LDLRAD4: variants seen among roughly 807,000 people sequenced by gnomAD.
LDLRAD4 encodes low-density lipoprotein receptor class A domain-containing protein 4.
A neutral mutation model predicts 17.0 loss-of-function variants in LDLRAD4; 5 were observed. The observed-to-expected ratio is 0.29, with a 90% CI of 0.15 to 0.62. LDLRAD4 has a LOEUF of 0.62. Ranked by LOEUF, LDLRAD4 falls within the 20% of genes least tolerant of loss-of-function variation. LDLRAD4 has a pLI of 0.84. For synonymous variants in LDLRAD4, 168 were observed against 171.8 expected (o/e 0.98, Z 0.17); for missense variants, 340 against 424.7 (o/e 0.80, Z 1.75).
intron 3 of LDLRAD4, among the ~76,000 whole-genome samples, chr18:13,467,672 A>G (rs2092660210): frequency 6.6e-6 from 1 of 152,192 alleles, no homozygotes; most frequent in South Asian, 2.1e-4. Context: ...TTCAAGGCAC[A>G]CCTTACAGCC....
intron 1 of LDLRAD4, among the ~76,000 whole-genome samples, chr18:13,360,752 A>AGGTGT (rs2083615668): frequency 6.6e-6 from 1 of 152,232 alleles, no homozygotes; most frequent in Non-Finnish European, 1.5e-5. Context: ...CTCTTAAACA[A>AGGTGT]GGCTTCTCCC....
chr18:13,236,910 T>C (rs1036967563), intron 1 of LDLRAD4, among the ~76,000 whole-genome samples: 1 of 152,216 alleles, frequency 6.6e-6, no homozygotes, highest in African/African-American at 2.4e-5. Flanking sequence ...CCAGCGTGGT[T>C]CCATCTCAGT....
intron 1 of LDLRAD4, among the ~76,000 whole-genome samples, chr18:13,356,398 T>G (rs376324431): frequency 6.6e-6 from 1 of 152,358 alleles, no homozygotes; most frequent in East Asian, 1.9e-4. Context: ...TGTAGCTTAT[T>G]TGAGAAAAAC....
At chr18:13,569,430 A>C (rs989264464) in intron 3 of LDLRAD4, among the ~76,000 whole-genome samples, 1 of 152,240 alleles carries the variant, frequency 6.6e-6, no homozygotes, top group Non-Finnish European at 1.5e-5. Context: ...ACTGATTCAT[A>C]AGTCGGATGT....
At chr18:13,291,768 C>G (rs529575957) in intron 1 of LDLRAD4, among the ~76,000 whole-genome samples, 2 of 152,106 alleles carry the variant, frequency 1.3e-5, no homozygotes, top group African/African-American at 4.8e-5. Flanking sequence ...ATTTCATGAC[C>G]AATGTAATTT....
Position 13,555,750 on chromosome 18 carries a change from C to G in LDLRAD4, c.182-65367C>G, listed in dbSNP as rs372862544. Among the ~76,000 whole-genome samples, 58 of 152,120 alleles carry G rather than the reference C, an allele frequency of 3.8e-4. 2 individuals carry two copies. In the South Asian group the frequency reaches 0.012, roughly 31 times the overall value. Reference sequence around the variant, plus strand: ...AACTCACTGTAATTAGTCAAAGACACAGAACTGCAGATGGAAAGAAGTTTA... The same window carrying G: ...AACTCACTGTAATTAGTCAAAGACAGAGAACTGCAGATGGAAAGAAGTTTA... On this transcript the variant is annotated intron_variant, in intron 3 of 5. Coordinates refer to ENST00000359446, the Ensembl canonical transcript of LDLRAD4.
At chr18:13,648,803 C>G (rs1000754954) in exon 6 of LDLRAD4, 2 of 152,112 alleles carry the variant, frequency 1.3e-5, no homozygotes, top group African/African-American at 4.8e-5. Context: ...GTCCCTTGTT[C>G]CCGGTGTAGG....
At position 13,505,632 on chromosome 18, in the gene LDLRAD4, G is replaced by A. The variant is rs144967090; in HGVS notation, c.181+67248G>A. Among the ~76,000 whole-genome samples the A allele has an allele frequency of 8.6e-3, 1,316 of 152,170 alleles. 19 individuals are homozygous for A. The highest frequency in any genetic ancestry group is 0.027 in the African/African-American group (1,137 of 41,518). Reference sequence around the variant, plus strand: ...CAGGAGATTGAGACCATCCTGGCTAGCACGGTGAAACTCATCTCTACTAAA... The same window carrying A: ...CAGGAGATTGAGACCATCCTGGCTAACACGGTGAAACTCATCTCTACTAAA... On this transcript the variant is annotated intron_variant, in intron 3 of 5. Coordinates refer to ENST00000359446, the Ensembl canonical transcript of LDLRAD4.
upstream of LDLRAD4, chr18:13,218,011 G>T: frequency 6.6e-6 from 1 of 151,230 alleles, no homozygotes; most frequent in South Asian, 2.0e-4. Context: ...CCCGCACAGC[G>T]CCCCTCCCCC....
chr18:13,309,884 C>A (rs1263301762), intron 1 of LDLRAD4, among the ~76,000 whole-genome samples: 1 of 152,184 alleles, frequency 6.6e-6, no homozygotes, highest in African/African-American at 2.4e-5. Flanking sequence ...CCCACAGGGT[C>A]TGCCCTCTCC....
At chr18:13,541,492 G>A (rs2094282244) in intron 3 of LDLRAD4, among the ~76,000 whole-genome samples, 1 of 152,174 alleles carries the variant, frequency 6.6e-6, no homozygotes, top group Non-Finnish European at 1.5e-5. Flanking sequence ...TGTGAAGAGT[G>A]GTCTCCTCAG....
intron 4 of LDLRAD4, among the ~76,000 whole-genome samples, chr18:13,625,188 G>A (rs1209919158): frequency 1.3e-5 from 2 of 152,210 alleles, no homozygotes; most frequent in African/African-American, 4.8e-5. Flanking sequence ...GGCTCCATGA[G>A]CACATTAGAA....
chr18:13,250,334 AT>A (rs2043171036), intron 1 of LDLRAD4, among the ~76,000 whole-genome samples: 2 of 151,472 alleles, frequency 1.3e-5, no homozygotes, highest in Non-Finnish European at 2.9e-5. Flanking sequence ...TTTTTTTCCT[AT>A]TTCTGTGAAG....
intron 3 of LDLRAD4, among the ~76,000 whole-genome samples, chr18:13,600,616 T>TCACCAAGA (rs1229264464): frequency 1.3e-5 from 2 of 152,198 alleles, no homozygotes; most frequent in East Asian, 3.8e-4. Flanking sequence ...GAGCTAAAAA[T>TCACCAAGA]CACCAAGAAG....
At chr18:13,270,260 G>C (rs1335595994) in intron 1 of LDLRAD4, among the ~76,000 whole-genome samples, 3 of 152,098 alleles carry the variant, frequency 2.0e-5, no homozygotes, top group African/African-American at 7.2e-5. Flanking sequence ...AGCTGCATGG[G>C]AGGCTGAGGT....
At chr18:13,562,720 A>C (rs2094554616) in intron 3 of LDLRAD4, among the ~76,000 whole-genome samples, 1 of 152,200 alleles carries the variant, frequency 6.6e-6, no homozygotes, top group Non-Finnish European at 1.5e-5. Flanking sequence ...GCAACATGTG[A>C]GATTTAAAAA....
chr18:13,409,221 T>C (rs544089802), intron 2 of LDLRAD4, among the ~76,000 whole-genome samples: 122 of 152,310 alleles, frequency 8.0e-4, no homozygotes, highest in Non-Finnish European at 1.4e-3. Flanking sequence ...ATAATACAGA[T>C]GAGACCAGGC....
intron 2 of LDLRAD4, among the ~76,000 whole-genome samples, chr18:13,432,773 G>A (rs879889174): frequency 1.3e-5 from 2 of 152,206 alleles, no homozygotes; most frequent in African/African-American, 2.4e-5. Context: ...CTGGAGTGCA[G>A]TGGCGTGATC....
intron 3 of LDLRAD4, among the ~76,000 whole-genome samples, chr18:13,497,915 C>T (rs2093505613): frequency 6.6e-6 from 1 of 152,026 alleles, no homozygotes; most frequent in African/African-American, 2.4e-5. Flanking sequence ...TCCTTCTGCC[C>T]ACACACGTCC....
Sources: allele counts gnomAD v4.1 joint callset (sites outside exome capture counted in the v4.1 genomes callset), GRCh38; gene constraint gnomAD v4.1.1; transcripts MANE v1.5; gene names NCBI Gene and HGNC (gene_info 2026-07-23, HGNC 2026-07-21).